Variants in CFAP46 observed in about 807,000 individuals in gnomAD.
CFAP46 encodes the protein cilia- and flagella-associated protein 46.
A neutral mutation model predicts 325.7 loss-of-function variants in CFAP46; 245 were observed. The ratio of observed to expected loss-of-function variants is 0.75; its 90% CI spans 0.68 to 0.84. CFAP46 has a LOEUF of 0.84. CFAP46 is among the 40% of genes least tolerant of loss of function. CFAP46 has a pLI of 0.00. For missense variants in CFAP46, 3,346 were observed against 3,543.0 expected, an observed-to-expected ratio of 0.94 and a Z score of 1.41; for synonymous variants, 1,523 against 1,495.9, an observed-to-expected ratio of 1.02 and a Z score of -0.42.
chr10:132,894,281 A>T (rs1466905976), intron 24 of CFAP46, among the ~76,000 whole-genome samples: 1 of 152,236 alleles, frequency 6.6e-6, no homozygotes, highest in Non-Finnish European at 1.5e-5. Context: ...GACATGGAAC[A>T]TCTAAGTTGG....
chr10:132,810,918 T>A, intron 56 of CFAP46, 32 bp downstream of exon 56: 1 of 1,556,992 alleles, frequency 6.4e-7, no homozygotes, highest in African/African-American at 1.4e-5. Flanking sequence ...ATCCTCAGCA[T>A]CCCTGCCCAC....
At chr10:132,937,461 A>G in intron 6 of CFAP46, 91 bp downstream of exon 6, 1 of 1,513,824 alleles carries the variant, frequency 6.6e-7, no homozygotes, top group Non-Finnish European at 9.1e-7. Flanking sequence ...TATATCTCTC[A>G]GCAAACTTAT....
At chr10:132,909,307 T>C in intron 20 of CFAP46, 63 bp from the exon 21 acceptor site, 2 of 1,127,986 alleles carry the variant, frequency 1.8e-6, no homozygotes, top group Middle Eastern at 3.9e-4. Context: ...GGAATATGCG[T>C]GAATTTAACA....
At chr10:132,853,422 G>A (rs1366348204) in intron 39 of CFAP46, among the ~76,000 whole-genome samples, 1 of 152,116 alleles carries the variant, frequency 6.6e-6, no homozygotes, top group Non-Finnish European at 1.5e-5. Context: ...TTTATATATT[G>A]TGGGATTTAA....
At position 132,812,331 on chromosome 10, in the gene CFAP46, C is replaced by T. The variant is rs1437968632; in HGVS notation, c.7501+454G>A. On this transcript the variant is annotated intron_variant, in intron 55 of 57. Transcript: ENST00000368586. The stretch of plus-strand genomic sequence containing the variant: ...CACTGTGCCAAGCATGGCAGGACCA[C>T]ACCTGGCAGCCCCTCCACGGCTGGT... Among the ~76,000 whole-genome samples, 6 of 152,236 alleles carry T rather than the reference C, an allele frequency of 3.9e-5. No homozygotes were observed. The East Asian group carries it at 9.6e-4, about 24-fold the overall frequency.
intron 11 of CFAP46, 34 bp downstream of exon 11, chr10:132,924,662 T>C (rs2135635671): frequency 7.0e-7 from 1 of 1,437,356 alleles, no homozygotes; most frequent in Non-Finnish European, 9.1e-7. Context: ...CGCCACGCCC[T>C]CTGTGGAGGA....
At chr10:132,912,427 ACCTC>A (rs1263193002) in intron 19 of CFAP46, among the ~76,000 whole-genome samples, 1 of 30,224 alleles carries the variant, frequency 3.3e-5, no homozygotes, top group Non-Finnish European at 6.6e-5. Context: ...TCTCTCTCTC[ACCTC>A]CCTCTCTCCT....
rs1468488778 is a variant in CFAP46, at chr10:132,941,973, T to C, written c.174+7A>G. 1 of 1,551,630 alleles carries C rather than the reference T, an allele frequency of 6.4e-7. No homozygotes were observed. The highest frequency in any genetic ancestry group is 2.4e-5 in the East Asian group (1 of 40,910). On this transcript the variant is annotated splice_region_variant and intron_variant, in intron 2 of 57. Transcript: ENST00000368586. The stretch of plus-strand genomic sequence containing the variant: ...TGCCCTGACCGAGGATCCCGGGAAC[T>C]AGTTACCTTCAGGGCCTGCTCTGCA...
At chr10:132,825,252 C>T (rs1848024773) in intron 50 of CFAP46, among the ~76,000 whole-genome samples, 1 of 144,046 alleles carries the variant, frequency 6.9e-6, no homozygotes, top group Non-Finnish European at 1.5e-5. Context: ...CTGATGTGTG[C>T]TGTGTGAGTG....
intron 7 of CFAP46, among the ~76,000 whole-genome samples, chr10:132,936,187 C>G (rs571027287): frequency 3.3e-5 from 4 of 119,830 alleles, no homozygotes; most frequent in Admixed American, 1.7e-4. Flanking sequence ...TCACTCCCCT[C>G]AGCCCCCAAA....
At chr10:132,928,403 C>T (rs941352251) in intron 9 of CFAP46, among the ~76,000 whole-genome samples, 2 of 152,234 alleles carry the variant, frequency 1.3e-5, no homozygotes, top group Admixed American at 6.5e-5. Context: ...ATCCTCCGTG[C>T]GGCATGGGCT....
In CFAP46 at chr10:132,847,425, G is replaced by A; in HGVS notation, c.5953-104C>T. 1.4e-6 allele frequency: 2 copies of A among 1,417,686 alleles called. No homozygotes were observed. Among genetic ancestry groups the A allele is most frequent in the South Asian group, 1.3e-5 (1 of 79,750 alleles). 87.8% of individuals were successfully genotyped at this position (1,417,686 alleles called of 1,614,324 possible). A position where few individuals can be genotyped will look rare whatever the true frequency, so the allele number is the denominator to read the frequency against. On this transcript the variant is annotated intron_variant, in intron 41 of 57. Transcript: ENST00000368586. This position sits in a 1 kb window ranked among gnomAD's most constrained non-coding sequence, Gnocchi z 5.2. ...CGGGGTGGTCGGGCTCCTCAGCAGG[G>A]TCCCCGGGTAGGGGGTACCGCAGGC...
In CFAP46 at chr10:132,869,916, T is replaced by G. The variant is rs1376231111; in HGVS notation, c.4512-544A>C. On this transcript the variant is annotated intron_variant, in intron 32 of 57. Transcript: ENST00000368586. This position sits in a 1 kb window ranked among gnomAD's most constrained non-coding sequence, Gnocchi z 6.2. ...ATCCTTCAGGGCACAGGCGCCTCCA[T>G]TTATCAAACTGTGCTGTATTGCGCT... Among the ~76,000 whole-genome samples the G allele has an allele frequency of 5.3e-5, 8 of 152,206 alleles. No homozygotes were observed.
At chr10:132,887,010 CCT>C (rs995571631) in intron 25 of CFAP46, among the ~76,000 whole-genome samples, 7 of 151,586 alleles carry the variant, frequency 4.6e-5, no homozygotes, top group African/African-American at 1.2e-4. Flanking sequence ...CTCTCTCTCG[CCT>C]CTCTCTCTGC....
chr10:132,919,322 C>T lies in CFAP46; in HGVS notation c.1851G>A (p.Leu617=), dbSNP rs1205980000. 6.5e-7 allele frequency: 1 copy of T among 1,549,746 alleles called. No homozygotes were observed. Among genetic ancestry groups the T allele is most frequent in the African/African-American group, 1.4e-5 (1 of 73,144 alleles). ...GTGAGGGCGGGTACGAACCTCGCCGCAGCCTCAACTTCTTCACCTTGACGT... is the reference window on the plus strand; with the variant it reads ...GTGAGGGCGGGTACGAACCTCGCCGTAGCCTCAACTTCTTCACCTTGACGT... ...YDNVKVKKLR[L]RRGKKKRGRD... is the part of the protein sequence containing the mutation. Residue 617 remains leucine (L), a synonymous_variant, in exon 15 of 58, where the codon CTG becomes CTA. Coordinates refer to ENST00000368586, the MANE Select transcript of CFAP46 (RefSeq NM_001200049.3). The surrounding 1 kb of genome is among the most constrained non-coding windows in gnomAD (Gnocchi z 9.7).
At chr10:132,852,306 G>A (rs1212161981) in intron 39 of CFAP46, among the ~76,000 whole-genome samples, 3 of 101,632 alleles carry the variant, frequency 3.0e-5, no homozygotes, top group Admixed American at 1.0e-4. Context: ...CCACAGACGT[G>A]GTATGTTCCT....
At chr10:132,822,930 GA>G (rs1400715649) in intron 50 of CFAP46, among the ~76,000 whole-genome samples, 16 of 136,086 alleles carry the variant, frequency 1.2e-4, no homozygotes, top group East Asian at 4.8e-4. Context: ...GATGTGTGCT[GA>G]TGTGTGCACT....
At position 132,835,344 on chromosome 10, in the gene CFAP46, G is replaced by C. The variant is rs573463992; in HGVS notation, c.6704C>G (p.Ala2235Gly). ...GGCCATGTCCTCACTGTACACCTGG[G>C]CCTGGGTCTGCTTCCGGAACTGCTG... ...CAQQFRKQTQ[A>G]QVYSEDMALN... Residue 2235 changes from alanine (A) to glycine (G), a missense_variant, in exon 47 of 58, where the codon GCC (alanine) becomes GGC (glycine). Coordinates refer to ENST00000368586, the MANE Select transcript of CFAP46 (RefSeq NM_001200049.3). 6.2e-7 allele frequency: 1 copy of C among 1,613,652 alleles called. No individual in the cohort carries two copies. The highest frequency in any genetic ancestry group is 1.7e-5 in the Admixed American group (1 of 60,022).
chr10:132,904,610 C>A (rs912154589), intron 22 of CFAP46, among the ~76,000 whole-genome samples: 3 of 152,244 alleles, frequency 2.0e-5, no homozygotes, highest in African/African-American at 7.2e-5. Flanking sequence ...GCCAGGGCGC[C>A]CAGCCCCCAC....
Sources: allele counts gnomAD v4.1 joint callset (sites outside exome capture counted in the v4.1 genomes callset), GRCh38; gene constraint gnomAD v4.1.1; non-coding constraint Gnocchi (gnomAD v3.1); transcripts MANE v1.5; gene names NCBI Gene and HGNC (gene_info 2026-07-23, HGNC 2026-07-21).